LYRM4: variants seen among roughly 807,000 people sequenced by gnomAD.
The protein encoded by LYRM4 is LYR motif containing 4, also known as LYR motif-containing protein 4.
Under a neutral mutation model 11.7 loss-of-function variants are expected in LYRM4, and 9 were observed. The ratio of observed to expected loss-of-function variants is 0.77; its 90% CI spans 0.46 to 1.34. The LOEUF (loss-of-function observed/expected upper bound fraction) is 1.34, where lower values mean the gene tolerates loss of function less well. Among genes scored for constraint, LYRM4 ranks in the 40% most tolerant of loss-of-function variants. LYRM4 has a pLI of 0.00. For synonymous variants in LYRM4, 42 were observed against 40.4 expected, an observed-to-expected ratio of 1.04 and a Z score of -0.15; for missense variants, 133 against 112.5, an observed-to-expected ratio of 1.18 and a Z score of -0.82.
the LYRM4 span, among the ~76,000 whole-genome samples, chr6:5,050,829 A>G: frequency 1.3e-5 from 2 of 152,246 alleles, no homozygotes; most frequent in African/African-American, 4.8e-5. Flanking sequence ...CAGATTTTTA[A>G]AAATCAATGG....
intron 2 of LYRM4, among the ~76,000 whole-genome samples, chr6:5,124,745 C>T (rs954605835): frequency 5.3e-5 from 8 of 152,236 alleles, no homozygotes; most frequent in African/African-American, 1.9e-4. Flanking sequence ...GCCAGCAGGG[C>T]TCAGACTGCA....
chr6:5,113,407 G>A (rs778035677), intron 2 of LYRM4: 44 of 399,288 alleles, frequency 1.1e-4, no homozygotes, highest in South Asian at 7.3e-4. Flanking sequence ...GACAGAGCGA[G>A]ATTCCGTTAT....
chr6:5,143,712 G>A (rs932481250), intron 2 of LYRM4, among the ~76,000 whole-genome samples: 1 of 152,210 alleles, frequency 6.6e-6, no homozygotes, highest in Non-Finnish European at 1.5e-5. Context: ...CTCTGATGGA[G>A]GCAAATTTTA....
chr6:5,148,312 C>T (rs138056084), intron 2 of LYRM4: 259 of 154,988 alleles, frequency 1.7e-3, no homozygotes, highest in African/African-American at 6.0e-3. Context: ...ATCCACTACC[C>T]AGTGCCTCAA....
chr6:5,157,218 C>G lies in LYRM4; in HGVS notation c.208-47727G>C, dbSNP rs147595276. ...CAAAAAAGTATTTTCCCTAGATCAT[C>G]AGGAATAACCTAGTGTGGCGAAAGT... is the stretch of plus-strand genomic sequence containing the variant. On this transcript the variant is annotated intron_variant, in intron 2 of 2. Coordinates refer to ENST00000330636, the MANE Select transcript of LYRM4 (RefSeq NM_020408.6). Among the ~76,000 whole-genome samples the G allele has an allele frequency of 5.5e-4, 84 of 152,300 alleles. 1 individual carries two copies. Among genetic ancestry groups the G allele is most frequent in the Non-Finnish European group, 2.1e-4 (14 of 68,028 alleles).
the LYRM4 span, among the ~76,000 whole-genome samples, chr6:5,035,469 G>A: frequency 6.7e-6 from 1 of 149,070 alleles, no homozygotes; most frequent in African/African-American, 2.5e-5. Flanking sequence ...CATCGCAGCA[G>A]CGGGATCCGT....
At position 5,160,056 on chromosome 6, in the gene LYRM4, C is replaced by T. The variant is rs75259005; in HGVS notation, c.208-50565G>A. Among the ~76,000 whole-genome samples the T allele has an allele frequency of 5.9e-3, 901 of 152,294 alleles. 13 individuals carry two copies. Among genetic ancestry groups the T allele is most frequent in the African/African-American group, 0.02 (825 of 41,548 alleles). On this transcript the variant is annotated intron_variant, in intron 2 of 2. Coordinates refer to ENST00000330636, the MANE Select transcript of LYRM4 (RefSeq NM_020408.6). ...AGAAGCAGTTCGAGGACCACCCATC[C>T]GGAAGTGAGGTCTTACTTCTCTGGA...
At chr6:5,158,077 G>T (rs879791762) in intron 2 of LYRM4, among the ~76,000 whole-genome samples, 2 of 152,028 alleles carry the variant, frequency 1.3e-5, no homozygotes, top group Non-Finnish European at 2.9e-5. Flanking sequence ...AAGAACAAAA[G>T]AAAAAAAGGA....
At chr6:5,169,082 T>G (rs1421444423) in intron 2 of LYRM4, among the ~76,000 whole-genome samples, 1 of 152,188 alleles carries the variant, frequency 6.6e-6, no homozygotes, top group East Asian at 1.9e-4. Context: ...GCATTTGGCT[T>G]GTTCTTTTCT....
chr6:5,196,206 C>G (rs1473367496), intron 2 of LYRM4, among the ~76,000 whole-genome samples: 1 of 152,196 alleles, frequency 6.6e-6, no homozygotes, highest in African/African-American at 2.4e-5. Flanking sequence ...CAGTCCCCAT[C>G]ATCTGGCGCA....
the LYRM4 span, chr6:5,031,960 T>C: frequency 6.6e-6 from 1 of 152,234 alleles, no homozygotes; most frequent in Non-Finnish European, 1.5e-5. Context: ...GAGGCATATT[T>C]TTCTACTTTG....
chr6:5,191,522 G>A (rs1355745376), intron 2 of LYRM4, among the ~76,000 whole-genome samples: 4 of 152,174 alleles, frequency 2.6e-5, no homozygotes, highest in Non-Finnish European at 4.4e-5. Context: ...TGTGAAACTA[G>A]GAATGAGAAC....
chr6:5,066,070 C>T, the LYRM4 span: 336 of 406,474 alleles, frequency 8.3e-4, 1 homozygote, highest in East Asian at 6.6e-3. Flanking sequence ...AAATAAATTT[C>T]CATGAGGAGT....
At chr6:5,133,034 C>T (rs910218349) in intron 2 of LYRM4, 1 of 152,326 alleles carries the variant, frequency 6.6e-6, no homozygotes, top group African/African-American at 2.4e-5. Flanking sequence ...TCGCCCGCCT[C>T]CCCAAGGAAT....
At chr6:5,046,940 A>G in the LYRM4 span, among the ~76,000 whole-genome samples, 1 of 152,110 alleles carries the variant, frequency 6.6e-6, no homozygotes, top group East Asian at 1.9e-4. Flanking sequence ...AGAATACAAA[A>G]ATTAGCTGGG....
intron 1 of LYRM4, among the ~76,000 whole-genome samples, chr6:5,248,037 C>T (rs184579608): frequency 7.2e-5 from 11 of 152,316 alleles, no homozygotes; most frequent in Admixed American, 7.2e-4. Flanking sequence ...CTGCAATGTC[C>T]AGATGCTCTC....
chr6:5,259,759 G>C (rs1395596957), intron 1 of LYRM4, among the ~76,000 whole-genome samples: 1 of 152,048 alleles, frequency 6.6e-6, no homozygotes, highest in Non-Finnish European at 1.5e-5. Flanking sequence ...CTTTCTCATG[G>C]GAATATGGCT....
chr6:5,163,763 A>G (rs1561841688), intron 2 of LYRM4, among the ~76,000 whole-genome samples: 2 of 151,606 alleles, frequency 1.3e-5, no homozygotes, highest in Non-Finnish European at 2.9e-5. Flanking sequence ...ACAGGCATGC[A>G]CCACCATGCC....
At chr6:5,034,301 A>G in the LYRM4 span, 2 of 152,224 alleles carry the variant, frequency 1.3e-5, no homozygotes, top group South Asian at 4.1e-4. Context: ...AGGTTGTGAA[A>G]CTACAGAAAA....
Sources: gnomAD v4.1 joint callset for allele counts (sites outside exome capture counted in the v4.1 genomes callset) on GRCh38, gnomAD v4.1.1 for gene constraint, MANE v1.5 for transcripts, NCBI Gene and HGNC (gene_info 2026-07-23, HGNC 2026-07-21) for gene names.